The following PIGU variants were observed in gnomAD, a reference collection of about 807,000 sequenced individuals.
PIGU encodes GPI-anchor transamidase component PIGU.
PIGU carries 24 observed loss-of-function variants against 49.9 expected under a neutral mutation model. That is an observed-to-expected ratio of 0.48 (90% CI 0.35 to 0.68). The LOEUF is 0.68. Among genes scored for constraint, PIGU ranks in the 30% least tolerant of loss-of-function variants. PIGU has a pLI of 0.01. For missense variants in PIGU, 490 were observed against 532.6 expected (o/e 0.92, Z 0.79); for synonymous variants, 220 against 205.7 (o/e 1.07, Z -0.59).
chr20:34,656,799 T>G lies in PIGU; in HGVS notation c.195+381A>C, dbSNP rs375288561. 1.5e-4 allele frequency among the ~76,000 whole-genome samples: 23 copies of G among 150,426 alleles called. No individual in the cohort carries two copies. The East Asian group carries it at 4.1e-3, about 27-fold the overall frequency. ...AAAAAAGCTAATTTTATGGGTTAAGTAAGTTTTTCTGGGCTTTCTAAGGAA... is the reference window on the plus strand; with the variant it reads ...AAAAAAGCTAATTTTATGGGTTAAGGAAGTTTTTCTGGGCTTTCTAAGGAA... On this transcript the variant is annotated intron_variant, in intron 2 of 11. Transcript: ENST00000217446.
At position 34,563,624 on chromosome 20, in the gene PIGU, TG is replaced by T. The variant is rs11292653; in HGVS notation, c.1195-2646del. On this transcript the variant is annotated intron_variant, in intron 11 of 11. Coordinates refer to ENST00000217446, the MANE Select transcript of PIGU (RefSeq NM_080476.5). ...ATAAATCAATGAATCAATACATCAA[TG>T]GGGGGGGGGAGATAAATCTTCCTTC... Among the ~76,000 whole-genome samples the T allele has an allele frequency of 4.7e-3, 658 of 139,654 alleles. 6 individuals carry two copies. Among genetic ancestry groups the T allele is most frequent in the African/African-American group, 0.015 (551 of 37,802 alleles). 91.6% of individuals were successfully genotyped at this position (139,654 alleles called of 152,430 possible).
chr20:34,628,583 G>A (rs1469802670), intron 6 of PIGU, among the ~76,000 whole-genome samples: 1 of 152,118 alleles, frequency 6.6e-6, no homozygotes, highest in Non-Finnish European at 1.5e-5. Context: ...GGGCGCAGTG[G>A]CTCACACCTG....
chr20:34,618,454 T>C (rs1300147716), intron 6 of PIGU, among the ~76,000 whole-genome samples: 1 of 152,130 alleles, frequency 6.6e-6, no homozygotes, highest in East Asian at 1.9e-4. Context: ...ACAATACCCA[T>C]GCTCACTCTC....
rs1226702824 is a variant in PIGU, at chr20:34,641,301, A to C, written c.318+2863T>G. On this transcript the variant is annotated intron_variant, in intron 4 of 11. Transcript: ENST00000217446. ...TATGGTGGGGTCGGGGAGAGGAAAC[A>C]CTCCACCCCTGTCCCTACTCCTCTC... is the stretch of plus-strand genomic sequence containing the variant. Among the ~76,000 whole-genome samples, 11 of 151,632 alleles carry C rather than the reference A, an allele frequency of 7.3e-5. No individual in the cohort carries two copies. The East Asian group carries it at 2.1e-3, about 29-fold the overall frequency.
In PIGU at chr20:34,644,067, T is replaced by C. The variant is rs932234965; in HGVS notation, c.318+97A>G. ...GTTTCACCATCACTTCCTAGCACTT[T>C]AAAGCATCTGGATCCTTAAGTATAA... On this transcript the variant is annotated intron_variant, in intron 4 of 11. Transcript: ENST00000217446. 23 of 1,174,696 alleles carry C rather than the reference T, an allele frequency of 2.0e-5. No individual in the cohort carries two copies. In the African/African-American group the frequency reaches 3.2e-4, roughly 16 times the overall value. The allele number at this position is 1,174,696 out of a possible 1,614,324, so 72.8% of individuals were successfully genotyped here.
chr20:34,617,855 T>C (rs1164603412), intron 6 of PIGU, among the ~76,000 whole-genome samples: 2 of 152,222 alleles, frequency 1.3e-5, no homozygotes, highest in African/African-American at 4.8e-5. Flanking sequence ...GGGAAGGTAA[T>C]TGAATCATGG....
chr20:34,629,987 TG>T (rs1244035562), intron 6 of PIGU, among the ~76,000 whole-genome samples: 1 of 152,118 alleles, frequency 6.6e-6, no homozygotes, highest in East Asian at 1.9e-4. Context: ...TACAGCTCAG[TG>T]GCCTACAAAG....
chr20:34,572,949 C>T (rs930128112), intron 11 of PIGU, among the ~76,000 whole-genome samples: 3 of 152,182 alleles, frequency 2.0e-5, no homozygotes, highest in Admixed American at 2.0e-4. Flanking sequence ...CCAAAGGCCA[C>T]GTCTGCAGAG....
chr20:34,633,400 G>T (rs184078791), intron 6 of PIGU, among the ~76,000 whole-genome samples: 107 of 152,156 alleles, frequency 7.0e-4, no homozygotes, highest in African/African-American at 2.3e-3. Flanking sequence ...GGAGGTCAAG[G>T]CTTCCGTGAG....
chr20:34,644,581 AGTTT>A (rs1432193292), intron 3 of PIGU, among the ~76,000 whole-genome samples: 5 of 152,216 alleles, frequency 3.3e-5, no homozygotes, highest in Admixed American at 1.3e-4. Flanking sequence ...CAATAAATAG[AGTTT>A]GTTATAATTA....
At position 34,635,768 on chromosome 20, in the gene PIGU, G is replaced by A. The variant is rs572024254; in HGVS notation, c.429-1053C>T. 2.5e-3 allele frequency among the ~76,000 whole-genome samples: 387 copies of A among 152,112 alleles called. 3 individuals carry two copies. The highest frequency in any genetic ancestry group is 0.017 in the Middle Eastern group (5 of 292). ...CACATGCCTGTAATCCCAGCTACTC[G>A]GGAGCCTGAGGCAGGAGAATGGCTT... On this transcript the variant is annotated intron_variant, in intron 5 of 11. Coordinates refer to ENST00000217446, the MANE Select transcript of PIGU (RefSeq NM_080476.5).
intron 2 of PIGU, among the ~76,000 whole-genome samples, chr20:34,648,904 T>C (rs1349415274): frequency 6.6e-6 from 1 of 152,056 alleles, no homozygotes; most frequent in African/African-American, 2.4e-5. Flanking sequence ...AGTCTCACTC[T>C]GTCCCCAGGC....
chr20:34,615,832 C>T (rs566620945), intron 7 of PIGU, among the ~76,000 whole-genome samples: 1 of 152,290 alleles, frequency 6.6e-6, no homozygotes, highest in East Asian at 1.9e-4. Context: ...ATATCCCCTG[C>T]AGACATGGGG....
chr20:34,620,702 T>G (rs1013578832), intron 6 of PIGU, among the ~76,000 whole-genome samples: 5 of 150,080 alleles, frequency 3.3e-5, no homozygotes, highest in African/African-American at 1.2e-4. Flanking sequence ...TCCCAGCTAC[T>G]CGGGAGGCTG....
At position 34,676,975 on chromosome 20, in the gene PIGU, TG is replaced by T; in HGVS notation, c.110del (p.Pro37HisfsTer2). 1 of 1,578,420 alleles carries T rather than the reference TG, an allele frequency of 6.3e-7. No homozygotes were observed. ...CCTCACCTCTCTTCCAAGAGCTCAG[TG>T]GGGACACCACCTCCACCCGCTCGGA... ...FISERVEVVS[P>X]LSSWKRVVEG... On this transcript the variant is annotated frameshift_variant, in exon 1 of 12. Coordinates refer to ENST00000217446, the MANE Select transcript of PIGU (RefSeq NM_080476.5). LOFTEE classifies it high-confidence loss of function.
intron 1 of PIGU, among the ~76,000 whole-genome samples, chr20:34,659,499 T>A (rs1452952658): frequency 2.6e-5 from 4 of 151,950 alleles, no homozygotes; most frequent in Non-Finnish European, 4.4e-5. Context: ...CGGCTGCCCC[T>A]ACTGGGAAGT....
chr20:34,652,450 T>C (rs1489290388), intron 2 of PIGU, among the ~76,000 whole-genome samples: 2 of 152,244 alleles, frequency 1.3e-5, no homozygotes, highest in African/African-American at 4.8e-5. Context: ...CTATTAGTTT[T>C]GTTTTCTACC....
chr20:34,613,529 T>C (rs1014139778), intron 7 of PIGU, among the ~76,000 whole-genome samples: 1 of 152,232 alleles, frequency 6.6e-6, no homozygotes, highest in African/African-American at 2.4e-5. Context: ...TATTCATTTT[T>C]TGCAGGTTGG....
At chr20:34,652,235 G>T (rs1173419932) in intron 2 of PIGU, among the ~76,000 whole-genome samples, 1 of 152,018 alleles carries the variant, frequency 6.6e-6, no homozygotes, top group Admixed American at 6.6e-5. Context: ...AAACTCCTAG[G>T]CTCAAGCAAT....
Sources: allele counts gnomAD v4.1 joint callset (sites outside exome capture counted in the v4.1 genomes callset), GRCh38; gene constraint gnomAD v4.1.1; transcripts MANE v1.5; gene names NCBI Gene and HGNC (gene_info 2026-07-23, HGNC 2026-07-21).